SYT1: variants seen among roughly 807,000 people sequenced by gnomAD.
SYT1 encodes the protein synaptotagmin 1.
Under a neutral mutation model 44.8 loss-of-function variants are expected in SYT1, and 8 were observed. That is an observed-to-expected ratio of 0.18 (90% confidence interval 0.10 to 0.32). The LOEUF (loss-of-function observed/expected upper bound fraction) is 0.32. Ranked by LOEUF, SYT1 falls within the 10% of genes least tolerant of loss-of-function variation. The pLI is 1.00. For missense variants in SYT1, 286 were observed against 509.3 expected, an observed-to-expected ratio of 0.56 and a Z score of 4.22; for synonymous variants, 154 against 188.8, an observed-to-expected ratio of 0.82 and a Z score of 1.51.
intron 3 of SYT1, among the ~76,000 whole-genome samples, chr12:79,075,335 C>G (rs1159380925): frequency 6.6e-6 from 1 of 152,166 alleles, no homozygotes; most frequent in Non-Finnish European, 1.5e-5. Context: ...ACTTCTCTCT[C>G]TCTCTCTCTT....
chr12:79,053,320 A>T (rs1455644115), intron 3 of SYT1, among the ~76,000 whole-genome samples: 2 of 152,104 alleles, frequency 1.3e-5, no homozygotes, highest in Non-Finnish European at 2.9e-5. Context: ...GAACACATGG[A>T]CACAGGAGGG....
At chr12:79,324,232 G>A (rs1045091145) in intron 8 of SYT1, among the ~76,000 whole-genome samples, 3 of 152,086 alleles carry the variant, frequency 2.0e-5, no homozygotes, top group Admixed American at 6.5e-5. Flanking sequence ...TTACAGGCGT[G>A]AGCCACCGCG....
At chr12:79,031,844 T>C (rs535876004) in intron 2 of SYT1, among the ~76,000 whole-genome samples, 1 of 151,290 alleles carries the variant, frequency 6.6e-6, no homozygotes, top group East Asian at 1.9e-4. Context: ...GCAAAGTATC[T>C]CCTGTACCCG....
rs1001418400 is a variant in SYT1, at chr12:78,937,059, T to C, written c.-216-40740T>C. Among the ~76,000 whole-genome samples, 4 of 152,102 alleles carry C rather than the reference T, an allele frequency of 2.6e-5. No homozygotes were observed. In the East Asian group the frequency reaches 5.8e-4, roughly 22 times the overall value. The stretch of plus-strand genomic sequence containing the variant: ...AAGAAGCTTTTTTAAAGATTTACAT[T>C]TCAAAGGAGGAAATATTTTGCAATT... On this transcript the variant is annotated intron_variant, in intron 1 of 10. Coordinates refer to ENST00000261205, the MANE Select transcript of SYT1 (RefSeq NM_005639.3).
rs568736372 is a variant in SYT1, at chr12:79,425,443, T to C, written c.929-18630T>C. Among the ~76,000 whole-genome samples the C allele has an allele frequency of 4.5e-4, 68 of 152,278 alleles. 1 individual carries two copies. Among genetic ancestry groups the C allele is most frequent in the Middle Eastern group, 6.8e-3 (2 of 294 alleles). ...GGCAGTCTGTTTTCCACAGAACATT[T>C]TGGGTTTAAGTCAATTAACTAATTT... On this transcript the variant is annotated intron_variant, in intron 9 of 10. Coordinates refer to ENST00000261205, the MANE Select transcript of SYT1 (RefSeq NM_005639.3).
chr12:79,102,363 A>G (rs577487886), intron 3 of SYT1, among the ~76,000 whole-genome samples: 1 of 151,954 alleles, frequency 6.6e-6, no homozygotes, highest in Non-Finnish European at 1.5e-5. Flanking sequence ...CAAAGACATG[A>G]CACTCAATAC....
chr12:79,097,313 C>A (rs575955723), intron 3 of SYT1, among the ~76,000 whole-genome samples: 1 of 151,952 alleles, frequency 6.6e-6, no homozygotes, highest in Non-Finnish European at 1.5e-5. Context: ...AGGCCTAGTC[C>A]GTCTTAACTA....
In SYT1 at chr12:79,273,947, G is replaced by T. The variant is rs188713092; in HGVS notation, c.167-11840G>T. Reference sequence around the variant, plus strand: ...AAAAATACAGAAATTAGCTGGCCGTGGTGGCACGCACTGGTAGTCCCAGCT... The same window carrying T: ...AAAAATACAGAAATTAGCTGGCCGTTGTGGCACGCACTGGTAGTCCCAGCT... On this transcript the variant is annotated intron_variant, in intron 4 of 10. Coordinates refer to ENST00000261205, the MANE Select transcript of SYT1 (RefSeq NM_005639.3). 3.4e-3 allele frequency among the ~76,000 whole-genome samples: 520 copies of T among 152,298 alleles called. 4 individuals carry two copies. The highest frequency in any genetic ancestry group is 0.01 in the Middle Eastern group (3 of 294).
rs1870898268 is a variant in SYT1, at chr12:79,449,124, A to G, written c.1269A>G (p.Ter423=). 1 of 1,603,370 alleles carries G rather than the reference A, an allele frequency of 6.2e-7. No individual in the cohort carries two copies. Among genetic ancestry groups the G allele is most frequent in the South Asian group, 1.1e-5 (1 of 89,782 alleles). ...EVDAMLAVKK[*] is the part of the protein sequence containing the mutation. ...ATGCCATGCTGGCCGTCAAGAAGTA[A>G]AGGAAAGAAGAAGCCTTTCTGCATT... The change falls in exon 11 of 11, where the codon TAA becomes TAG. Residue 423 remains the stop codon, a stop_retained_variant. Coordinates refer to ENST00000261205, the MANE Select transcript of SYT1 (RefSeq NM_005639.3).
chr12:78,869,207 T>C (rs1433564518), intron 1 of SYT1, among the ~76,000 whole-genome samples: 1 of 151,830 alleles, frequency 6.6e-6, no homozygotes, highest in Non-Finnish European at 1.5e-5. Context: ...AAATTTAACA[T>C]TTCCAAAAAA....
chr12:79,026,020 G>A (rs746397941), intron 2 of SYT1, among the ~76,000 whole-genome samples: 9 of 151,586 alleles, frequency 5.9e-5, no homozygotes, highest in Non-Finnish European at 1.0e-4. Flanking sequence ...AAATGCAAAT[G>A]CCTTTGGCAT....
At chr12:79,086,428 G>T (rs1197311623) in intron 3 of SYT1, among the ~76,000 whole-genome samples, 1 of 152,144 alleles carries the variant, frequency 6.6e-6, no homozygotes, top group East Asian at 1.9e-4. Context: ...AGAACACGGT[G>T]ACGAAAAATA....
chr12:79,065,617 G>GA (rs892261087), intron 3 of SYT1, among the ~76,000 whole-genome samples: 1 of 150,626 alleles, frequency 6.6e-6, no homozygotes, highest in Non-Finnish European at 1.5e-5. Flanking sequence ...AAATCTTGAG[G>GA]AAAAAAAAAG....
At chr12:79,322,141 AC>A (rs1881392259) in intron 8 of SYT1, among the ~76,000 whole-genome samples, 1 of 152,142 alleles carries the variant, frequency 6.6e-6, no homozygotes, top group Admixed American at 6.5e-5. Context: ...AATCACATAC[AC>A]TTGACTTCAG....
chr12:79,446,889 C>T (rs540062506), intron 10 of SYT1, among the ~76,000 whole-genome samples: 40 of 152,286 alleles, frequency 2.6e-4, no homozygotes, highest in African/African-American at 8.7e-4. Context: ...GAAACTAACA[C>T]CTCCTGGCAT....
At chr12:79,312,712 C>G (rs572373853) in intron 8 of SYT1, among the ~76,000 whole-genome samples, 1 of 148,908 alleles carries the variant, frequency 6.7e-6, no homozygotes, top group Non-Finnish European at 1.5e-5. Context: ...TTCTTCAGAG[C>G]TGCTTCTTAT....
intron 9 of SYT1, among the ~76,000 whole-genome samples, chr12:79,374,214 A>G (rs180904401): frequency 6.5e-4 from 99 of 152,322 alleles, no homozygotes; most frequent in Non-Finnish European, 4.0e-4. Context: ...AAGAAAATAA[A>G]GTAGAAACTC....
intron 3 of SYT1, among the ~76,000 whole-genome samples, chr12:79,174,524 T>C (rs1042192014): frequency 1.3e-5 from 2 of 152,014 alleles, no homozygotes; most frequent in African/African-American, 4.8e-5. Flanking sequence ...AAAATGTAGC[T>C]AGTCAGTAAC....
intron 4 of SYT1, among the ~76,000 whole-genome samples, chr12:79,236,083 C>T (rs980755627): frequency 1.6e-4 from 25 of 152,146 alleles, no homozygotes; most frequent in African/African-American, 6.0e-4. Context: ...CTTCCACTGT[C>T]ATTATTCTGG....
Sources: allele counts gnomAD v4.1 joint callset (sites outside exome capture counted in the v4.1 genomes callset), GRCh38; gene constraint gnomAD v4.1.1; transcripts MANE v1.5; gene names NCBI Gene and HGNC (gene_info 2026-07-23, HGNC 2026-07-21).